Variants in ITGA9 observed in about 807,000 individuals in gnomAD.
ITGA9 encodes integrin subunit alpha 9.
In ITGA9, 56 loss-of-function variants were observed where a neutral mutation model predicts 127.8. The ratio of observed to expected loss-of-function variants is 0.44; its 90% confidence interval spans 0.35 to 0.55. ITGA9 has a LOEUF of 0.55. ITGA9 is among the 20% of genes least tolerant of loss of function. The pLI, the probability that ITGA9 is intolerant of heterozygous loss-of-function variation, is 0.00. For synonymous variants in ITGA9, 508 were observed against 514.5 expected (o/e 0.99, Z 0.17); for missense variants, 1,196 against 1,347.1 (o/e 0.89, Z 1.76).
At position 37,799,173 on chromosome 3, in the gene ITGA9, T is replaced by A. The variant is rs1027826566; in HGVS notation, c.2890-4650T>A. On this transcript the variant is annotated intron_variant, in intron 26 of 27. Transcript: ENST00000264741. The surrounding 1 kb of genome is among the most constrained non-coding windows in gnomAD (Gnocchi z 4.0). ...TCAAAGGGTATGAACATTTTTATTT[T>A]ATTTTTTAATTTTTTATTTTTTTAA... is the stretch of plus-strand genomic sequence containing the variant. 7.2e-5 allele frequency among the ~76,000 whole-genome samples: 11 copies of A among 152,154 alleles called. No individual in the cohort carries two copies. Among genetic ancestry groups the A allele is most frequent in the Non-Finnish European group, 1.3e-4 (9 of 68,036 alleles).
intron 5 of ITGA9, among the ~76,000 whole-genome samples, chr3:37,495,545 T>C (rs1698718998): frequency 6.6e-6 from 1 of 152,228 alleles, no homozygotes; most frequent in South Asian, 2.1e-4. Context: ...CCTGTTGTTT[T>C]AGCCTCCAAA....
At chr3:37,731,370 G>A (rs1696290319) in intron 18 of ITGA9, among the ~76,000 whole-genome samples, 1 of 152,122 alleles carries the variant, frequency 6.6e-6, no homozygotes, top group African/African-American at 2.4e-5. Context: ...TACTAACGCT[G>A]GCGATCCTGG....
chr3:37,499,742 G>T (rs1034030005), intron 5 of ITGA9, among the ~76,000 whole-genome samples: 1 of 152,192 alleles, frequency 6.6e-6, no homozygotes, highest in Non-Finnish European at 1.5e-5. Flanking sequence ...AGGGAGAGGG[G>T]TGTGAGCACT....
At chr3:37,671,880 A>T (rs936359473) in intron 17 of ITGA9, among the ~76,000 whole-genome samples, 1 of 152,250 alleles carries the variant, frequency 6.6e-6, no homozygotes, top group African/African-American at 2.4e-5. Flanking sequence ...AAACATGTAT[A>T]CATACATATA....
chr3:37,745,293 G>A (rs954594557), intron 22 of ITGA9: 13 of 152,354 alleles, frequency 8.5e-5, no homozygotes, highest in South Asian at 2.1e-4. Flanking sequence ...AGCTCACAGA[G>A]GATGTGCCTT....
intron 25 of ITGA9, among the ~76,000 whole-genome samples, chr3:37,783,460 G>A (rs976963041): frequency 1.3e-5 from 2 of 152,062 alleles, no homozygotes; most frequent in African/African-American, 4.8e-5. Context: ...TCCTGCCTCA[G>A]CTAGTCCTCA....
intron 27 of ITGA9, chr3:37,808,272 G>A (rs1437976547): frequency 6.6e-6 from 1 of 152,222 alleles, no homozygotes; most frequent in Non-Finnish European, 1.5e-5. Context: ...GAGAGGATCT[G>A]CCTGGCCCAG....
In ITGA9 at chr3:37,519,292, T is replaced by G; in HGVS notation, c.1174T>G (p.Phe392Val). The change falls in exon 11 of 28, where the codon TTC becomes GTC. Residue 392 changes from phenylalanine to valine, a missense_variant. By Grantham distance (50) the Phe-to-Val change is conservative. Transcript: ENST00000264741. ...CATTGGTGCACCCAAGGAGGATGACTTCGCAGGGGCGGTCTATATCTATCA... is the reference window on the plus strand; with the variant it reads ...CATTGGTGCACCCAAGGAGGATGACGTCGCAGGGGCGGTCTATATCTATCA... ...VAIGAPKEDD[F>V]AGAVYIYHGD... The G allele has an allele frequency of 6.2e-7, 1 of 1,614,212 alleles. No individual in the cohort carries two copies. The highest frequency in any genetic ancestry group is 1.1e-5 in the South Asian group (1 of 91,078).
rs1369027421 is a variant in ITGA9 at position 37,513,758 on chromosome 3, T to A, written c.898-5T>A. ...ATGCTTTGTTGCAACTCAACTTGGT[T>A]GCAGATGGGCTCTTACTTCGGCTCC... On this transcript the variant is annotated splice_region_variant and splice_polypyrimidine_tract_variant and intron_variant, in intron 8 of 27. Coordinates refer to ENST00000264741, the MANE Select transcript of ITGA9 (RefSeq NM_002207.3). 6.2e-7 allele frequency: 1 copy of A among 1,614,002 alleles called. No homozygotes were observed. The highest frequency in any genetic ancestry group is 1.3e-5 in the African/African-American group (1 of 74,918).
chr3:37,675,746 T>C (rs1285205661), intron 17 of ITGA9, among the ~76,000 whole-genome samples: 1 of 148,908 alleles, frequency 6.7e-6, no homozygotes, highest in Non-Finnish European at 1.5e-5. Flanking sequence ...AAAACTACTT[T>C]TTTTTTTTTT....
At chr3:37,659,988 A>ACACACACG (rs903728523) in intron 17 of ITGA9, among the ~76,000 whole-genome samples, 1 of 151,288 alleles carries the variant, frequency 6.6e-6, no homozygotes, top group African/African-American at 2.4e-5. Context: ...GATGTAACAC[A>ACACACACG]CACACACACA....
At chr3:37,694,080 T>G (rs1408857119) in intron 18 of ITGA9, among the ~76,000 whole-genome samples, 2 of 152,212 alleles carry the variant, frequency 1.3e-5, no homozygotes, top group Non-Finnish European at 2.9e-5. Context: ...CCAAGCCCCC[T>G]GGTGACTTTA....
Position 37,542,543 on chromosome 3 carries a change from T to G in ITGA9, c.1647T>G (p.Thr549=), listed in dbSNP as rs1169702564. The G allele has an allele frequency of 6.2e-7, 1 of 1,614,140 alleles. No individual in the cohort carries two copies. The highest frequency in any genetic ancestry group is 1.7e-5 in the Admixed American group (1 of 60,014). Reference sequence around the variant, plus strand: ...AGGTCACAGAGAAGCTGCAGCTGACTTACATGGAGGAGACGTGTCGTCACT... The same window carrying G: ...AGGTCACAGAGAAGCTGCAGCTGACGTACATGGAGGAGACGTGTCGTCACT... The part of the protein sequence containing the change: ...MGQVTEKLQL[T]YMEETCRHYV... Residue 549 remains threonine, a synonymous_variant, in exon 15 of 28, where the codon ACT becomes ACG. Coordinates refer to ENST00000264741, the MANE Select transcript of ITGA9 (RefSeq NM_002207.3).
At position 37,554,956 on chromosome 3, in the gene ITGA9, C is replaced by G. The variant is rs192926758; in HGVS notation, c.1689+12371C>G. Among the ~76,000 whole-genome samples the G allele has an allele frequency of 4.6e-5, 7 of 152,100 alleles. No homozygotes were observed. The East Asian group carries it at 1.4e-3, about 29-fold the overall frequency. On this transcript the variant is annotated intron_variant, in intron 15 of 27. Coordinates refer to ENST00000264741, the MANE Select transcript of ITGA9 (RefSeq NM_002207.3). Reference sequence around the variant, plus strand: ...GAGTAAGAAGTATCAATTTGGGAGTCGCCAGCAGACAGATGGTATTTAATG... The same window carrying G: ...GAGTAAGAAGTATCAATTTGGGAGTGGCCAGCAGACAGATGGTATTTAATG...
intron 18 of ITGA9, among the ~76,000 whole-genome samples, chr3:37,688,933 G>A (rs35002065): frequency 0.011 from 1,682 of 151,672 alleles, 13 homozygotes; most frequent in Middle Eastern, 0.048. Context: ...GGGATGGCTG[G>A]CTGGGTGGAT....
intron 15 of ITGA9, among the ~76,000 whole-genome samples, chr3:37,606,444 G>T (rs1466935455): frequency 1.3e-5 from 2 of 152,116 alleles, no homozygotes; most frequent in African/African-American, 4.8e-5. Context: ...ATTGAATTAT[G>T]AGTCATTTAA....
At chr3:37,701,384 G>A (rs917848902) in intron 18 of ITGA9, among the ~76,000 whole-genome samples, 3 of 152,210 alleles carry the variant, frequency 2.0e-5, no homozygotes, top group Non-Finnish European at 2.9e-5. Context: ...GATATATTAG[G>A]AAGTGAGACA....
chr3:37,729,143 G>A (rs1696255921), intron 18 of ITGA9, among the ~76,000 whole-genome samples: 1 of 152,106 alleles, frequency 6.6e-6, no homozygotes, highest in Admixed American at 6.6e-5. Flanking sequence ...ACAAGGAGTG[G>A]TACTGCTTGC....
intron 18 of ITGA9, among the ~76,000 whole-genome samples, chr3:37,716,494 A>G (rs974710542): frequency 3.3e-5 from 5 of 151,352 alleles, no homozygotes; most frequent in African/African-American, 1.2e-4. Flanking sequence ...TCAGTCAACA[A>G]CTTCTGCAGG....
Sources: allele counts gnomAD v4.1 joint callset (sites outside exome capture counted in the v4.1 genomes callset), GRCh38; gene constraint gnomAD v4.1.1; non-coding constraint Gnocchi (gnomAD v3.1); transcripts MANE v1.5; gene names NCBI Gene and HGNC (gene_info 2026-07-23, HGNC 2026-07-21).